RBFOX1: variants seen among roughly 807,000 people sequenced by gnomAD.
RBFOX1 encodes the protein RNA binding fox-1 homolog 1.
A neutral mutation model predicts 57.7 loss-of-function variants in RBFOX1; 8 were observed. That is an observed-to-expected ratio of 0.14 (90% CI 0.08 to 0.25). RBFOX1 has a LOEUF of 0.25. Among genes scored for constraint, RBFOX1 ranks in the 10% least tolerant of loss-of-function variants. The pLI is 1.00. For missense variants in RBFOX1, 611 were observed against 548.5 expected (o/e 1.11, Z -1.14); for synonymous variants, 326 against 222.4 (o/e 1.47, Z -4.15).
At chr16:7,453,818 C>T (rs976971766) in intron 4 of RBFOX1, among the ~76,000 whole-genome samples, 7 of 152,188 alleles carry the variant, frequency 4.6e-5, no homozygotes, top group South Asian at 2.1e-4. Flanking sequence ...GGAGCACCTT[C>T]AGCCTTAAGA....
chr16:6,614,965 C>G (rs1450836895), intron 2 of RBFOX1, among the ~76,000 whole-genome samples: 1 of 152,170 alleles, frequency 6.6e-6, no homozygotes, highest in African/African-American at 2.4e-5. Context: ...ATATAGATGA[C>G]TGCATCCCAA....
At chr16:6,652,658 A>T (rs1397590429) in intron 2 of RBFOX1, among the ~76,000 whole-genome samples, 1 of 152,170 alleles carries the variant, frequency 6.6e-6, no homozygotes, top group East Asian at 1.9e-4. Flanking sequence ...CCTAGTCTGT[A>T]ATATTTTTTA....
intron 3 of RBFOX1, among the ~76,000 whole-genome samples, chr16:6,997,287 C>A (rs1384774411): frequency 6.6e-6 from 1 of 152,048 alleles, no homozygotes; most frequent in East Asian, 1.9e-4. Context: ...AAGTCTGCCA[C>A]CAATACATGT....
intron 3 of RBFOX1, among the ~76,000 whole-genome samples, chr16:6,868,591 C>T (rs1201097866): frequency 6.6e-6 from 1 of 152,016 alleles, no homozygotes; most frequent in Non-Finnish European, 1.5e-5. Context: ...CCTGCTTTAG[C>T]GTCCTGAGTA....
chr16:7,573,166 G>A (rs2092967661), intron 5 of RBFOX1, among the ~76,000 whole-genome samples: 1 of 152,134 alleles, frequency 6.6e-6, no homozygotes, highest in Admixed American at 6.5e-5. Context: ...CGGCAAGAGG[G>A]CAAGCTACAG....
At chr16:7,708,961 C>T (rs1050584585) in intron 14 of RBFOX1, 95 bp from the exon 15 acceptor site, 3 of 1,110,734 alleles carry the variant, frequency 2.7e-6, no homozygotes, top group African/African-American at 3.1e-5. Context: ...ATGAGTAGGG[C>T]CCCTGCATAC....
chr16:6,249,064 T>G (rs1202320050), intron 1 of RBFOX1, among the ~76,000 whole-genome samples: 1 of 152,126 alleles, frequency 6.6e-6, no homozygotes, highest in Non-Finnish European at 1.5e-5. Context: ...ATTTTGAGAA[T>G]GCTGTGAAGG....
At chr16:6,495,013 A>C (rs968342476) in intron 2 of RBFOX1, among the ~76,000 whole-genome samples, 3 of 152,220 alleles carry the variant, frequency 2.0e-5, no homozygotes, top group Non-Finnish European at 4.4e-5. Flanking sequence ...ATGGTTAAGT[A>C]ACTTGCCCAA....
chr16:7,157,375 G>C (rs1242254589), intron 4 of RBFOX1, among the ~76,000 whole-genome samples: 2 of 152,036 alleles, frequency 1.3e-5, no homozygotes, highest in African/African-American at 4.8e-5. Context: ...TAAATGTATG[G>C]TAAATGGAAG....
chr16:6,814,818 G>C (rs11648981), intron 3 of RBFOX1, among the ~76,000 whole-genome samples: 1 of 151,846 alleles, frequency 6.6e-6, no homozygotes, highest in African/African-American at 2.4e-5. Context: ...TTTATGTCCT[G>C]TGAGTGTTTC....
intron 2 of RBFOX1, chr16:6,483,391 A>C (rs2095406556): frequency 2.9e-5 from 44 of 1,531,412 alleles, no homozygotes; most frequent in Non-Finnish European, 3.8e-5. Flanking sequence ...ACGACAGATG[A>C]CTGGAGTCAT....
chr16:5,289,218 T>A (rs536225226), intron 1 of RBFOX1: 197 of 350,498 alleles, frequency 5.6e-4, no homozygotes, highest in African/African-American at 3.8e-3. Flanking sequence ...GTCGAGTCAT[T>A]CTGGGCTGAC....
intron 1 of RBFOX1, among the ~76,000 whole-genome samples, chr16:6,262,153 C>G (rs1488473291): frequency 6.6e-6 from 1 of 152,176 alleles, no homozygotes; most frequent in Non-Finnish European, 1.5e-5. Context: ...ATTCCACCAT[C>G]CAGAACTCTT....
At chr16:6,085,750 A>C (rs893800268) in intron 1 of RBFOX1, among the ~76,000 whole-genome samples, 1 of 152,118 alleles carries the variant, frequency 6.6e-6, no homozygotes, top group Non-Finnish European at 1.5e-5. Context: ...CCTCCCCAAG[A>C]GTTGGGTCCC....
At chr16:5,370,258 C>G (rs934891766) in intron 1 of RBFOX1, among the ~76,000 whole-genome samples, 2 of 152,132 alleles carry the variant, frequency 1.3e-5, no homozygotes, top group Non-Finnish European at 2.9e-5. Context: ...ATTGAAAGCA[C>G]AACAGACTTG....
rs1568006199 is a variant in RBFOX1, at chr16:6,641,778, A to AAAAAAAAAG, written c.-63-12825_-63-12824insAAAAAAAAG. On this transcript the variant is annotated intron_variant, in intron 2 of 15. Coordinates refer to ENST00000550418, the MANE Select transcript of RBFOX1 (RefSeq NM_018723.4). ...AAAAAAAAAAAAAAAAAAAAAAAAAATAGGTTCTGCCCTGAGCCTTTCAGG... is the reference window on the plus strand; with the variant it reads ...AAAAAAAAAAAAAAAAAAAAAAAAAAAAAAAAAAGTAGGTTCTGCCCTGAGCCTTTCAGG... Among the ~76,000 whole-genome samples, 15 of 31,798 alleles carry AAAAAAAAAG rather than the reference A, an allele frequency of 4.7e-4. 1 individual carries two copies. The highest frequency in any genetic ancestry group is 9.6e-4 in the Admixed American group (2 of 2,094). The allele number at this position is 31,798 out of a possible 152,430, so 20.9% of individuals were successfully genotyped here. A position where few individuals can be genotyped will look rare whatever the true frequency, so the allele number is the denominator to read the frequency against.
chr16:7,469,971 G>T (rs144912385), intron 4 of RBFOX1, among the ~76,000 whole-genome samples: 1 of 150,262 alleles, frequency 6.7e-6, no homozygotes, highest in African/African-American at 2.5e-5. Flanking sequence ...TTAGCATAAC[G>T]TCTTCAAGGT....
intron 10 of RBFOX1, among the ~76,000 whole-genome samples, chr16:7,620,990 C>A (rs536840701): frequency 1.3e-5 from 2 of 152,138 alleles, no homozygotes; most frequent in East Asian, 3.9e-4. Context: ...TTACTGTTGT[C>A]AGCACCATCT....
chr16:7,489,022 T>G (rs2066201281), intron 4 of RBFOX1, among the ~76,000 whole-genome samples: 2 of 152,192 alleles, frequency 1.3e-5, no homozygotes, highest in Non-Finnish European at 2.9e-5. Context: ...TACCTACCTA[T>G]GCATCTATCT....
Sources: gnomAD v4.1 joint callset for allele counts (sites outside exome capture counted in the v4.1 genomes callset) on GRCh38, gnomAD v4.1.1 for gene constraint, MANE v1.5 for transcripts, NCBI Gene and HGNC (gene_info 2026-07-23, HGNC 2026-07-21) for gene names.